The following ITPRID2 variants were observed in gnomAD, a reference collection of about 807,000 sequenced individuals.
ITPRID2 encodes the protein protein ITPRID2.
A neutral mutation model predicts 124.3 loss-of-function variants in ITPRID2; 60 were observed. The ratio of observed to expected loss-of-function variants is 0.48; its 90% CI spans 0.39 to 0.60. The LOEUF (loss-of-function observed/expected upper bound fraction) is 0.60, where lower values mean the gene tolerates loss of function less well. Among genes scored for constraint, ITPRID2 ranks in the 20% least tolerant of loss-of-function variants. The probability of loss-of-function intolerance (pLI) is 0.00; values close to 1 mark genes in which losing one functional copy is unlikely to be tolerated. For missense variants in ITPRID2, 1,553 were observed against 1,512.2 expected (o/e 1.03, Z -0.45); for synonymous variants, 521 against 542.9 (o/e 0.96, Z 0.56).
intron 11 of ITPRID2, chr2:181,916,656 C>T: frequency 1.4e-6 from 1 of 723,616 alleles, no homozygotes; most frequent in Non-Finnish European, 2.0e-6. Flanking sequence ...AAGTCTGTCT[C>T]CTTTCCAAGA....
Position 181,915,154 on chromosome 2 carries a change from T to C in ITPRID2, c.1576-62T>C, listed in dbSNP as rs1038163638. On this transcript the variant is annotated intron_variant, in intron 10 of 17. Transcript: ENST00000431877. ...TTATAGAAGCACCATGTTGGTTTGGTATTTTGTTAGTGACTCTTCTTACAT... is the reference window on the plus strand; with the variant it reads ...TTATAGAAGCACCATGTTGGTTTGGCATTTTGTTAGTGACTCTTCTTACAT... The C allele has an allele frequency of 3.9e-6, 6 of 1,533,652 alleles. No homozygotes were observed. The African/African-American group carries it at 8.3e-5, about 21-fold the overall frequency.
chr2:181,906,093 T>G (rs1693088211), intron 8 of ITPRID2, among the ~76,000 whole-genome samples: 1 of 152,246 alleles, frequency 6.6e-6, no homozygotes, highest in Non-Finnish European at 1.5e-5. Context: ...TAGTATTTGT[T>G]TAAGATAAAC....
In ITPRID2 at chr2:181,902,846, CTGAA is replaced by C. The variant is rs1209783413; in HGVS notation, c.1413+384_1413+387del. Among the ~76,000 whole-genome samples the C allele has an allele frequency of 6.6e-6, 1 of 152,182 alleles. No individual in the cohort carries two copies. The highest frequency in any genetic ancestry group is 1.5e-5 in the Non-Finnish European group (1 of 68,028). On this transcript the variant is annotated intron_variant, in intron 8 of 17. Transcript: ENST00000431877. This position sits in a 1 kb window ranked among gnomAD's most constrained non-coding sequence, Gnocchi z 4.4. Reference sequence around the variant, plus strand: ...ACAGGGCTTTGAGTTTTGTCTGCCACTGAATGACTGTATGCCTTTGGGCAAGCTT... The same window carrying C: ...ACAGGGCTTTGAGTTTTGTCTGCCACTGACTGTATGCCTTTGGGCAAGCTT...
At chr2:181,922,509 A>G in intron 16 of ITPRID2, 97 bp downstream of exon 16, 1 of 1,151,036 alleles carries the variant, frequency 8.7e-7, no homozygotes, top group Non-Finnish European at 1.2e-6. Flanking sequence ...CTTTTGATTC[A>G]CTGTATTCAA....
intron 16 of ITPRID2, among the ~76,000 whole-genome samples, chr2:181,924,786 T>C (rs1024412763): frequency 6.6e-6 from 1 of 152,236 alleles, no homozygotes; most frequent in Non-Finnish European, 1.5e-5. Flanking sequence ...ACTAATTACA[T>C]AGCTAAACTT....
rs991092508 is a variant in ITPRID2 at position 181,915,413 on chromosome 2, A to G, written c.1773A>G (p.Ser591=). ...KAAAVADKRK[S]GSQDFPQCNT... ...CAGCAGTTGCAGACAAAAGAAAATC[A>G]GGTAGCCAGGATTTCCCTCAGTGCA... Residue 591 remains serine, a synonymous_variant, in exon 11 of 18, where the codon TCA becomes TCG. Transcript: ENST00000431877. 2.5e-6 allele frequency: 4 copies of G among 1,614,042 alleles called. No homozygotes were observed. Among genetic ancestry groups the G allele is most frequent in the Non-Finnish European group, 3.4e-6 (4 of 1,180,020 alleles).
At chr2:181,920,507 G>T in intron 14 of ITPRID2, 90 bp from the exon 15 acceptor site, 2 of 935,120 alleles carry the variant, frequency 2.1e-6, no homozygotes, top group Non-Finnish European at 3.0e-6. Context: ...CTTGTGATTT[G>T]AAAAAATATA....
chr2:181,892,257 T>C lies in ITPRID2; in HGVS notation c.191T>C (p.Leu64Pro), dbSNP rs1215568700. ...DEEEDLPGAQ[L>P]PAAGGRGNVP... The stretch of plus-strand genomic sequence containing the variant: ...GAGGAGGACCTCCCCGGCGCGCAGC[T>C]GCCGGCAGCGGGGGGAAGAGGTCGG... Residue 64 changes from leucine to proline, a missense_variant, in exon 1 of 18, where the codon CTG becomes CCG. By Grantham distance (98) the Leu-to-Pro change is moderately conservative. Transcript: ENST00000431877. This position sits in a 1 kb window ranked among gnomAD's most constrained non-coding sequence, Gnocchi z 5.2. 2 of 1,548,128 alleles carry C rather than the reference T, an allele frequency of 1.3e-6. No homozygotes were observed.
At chr2:181,901,654 T>G in intron 7 of ITPRID2, 112 bp from the exon 8 acceptor site, 1 of 781,228 alleles carries the variant, frequency 1.3e-6, no homozygotes, top group Non-Finnish European at 1.8e-6. Context: ...GGTTTTATAA[T>G]CTTTGTGATC....
chr2:181,900,672 CT>C (rs35623948), intron 6 of ITPRID2, 23 bp from the exon 7 acceptor site: 1 of 1,533,518 alleles, frequency 6.5e-7, no homozygotes, highest in Non-Finnish European at 8.9e-7. Flanking sequence ...TTCATGTTTC[CT>C]TTTTTGCCCC....
intron 4 of ITPRID2, among the ~76,000 whole-genome samples, 173 bp downstream of exon 4, chr2:181,897,137 G>C (rs1466088570): frequency 6.6e-6 from 1 of 151,926 alleles, no homozygotes; most frequent in Non-Finnish European, 1.5e-5. Flanking sequence ...TAGTCTGTAG[G>C]ATACATGTAG....
Position 181,915,335 on chromosome 2 carries a change from T to A in ITPRID2, c.1695T>A (p.Asn565Lys). 6.2e-7 allele frequency: 1 copy of A among 1,614,144 alleles called. No individual in the cohort carries two copies. Among genetic ancestry groups the A allele is most frequent in the East Asian group, 2.2e-5 (1 of 44,880 alleles). ...CAGCACAAGACCAGCCTTATTTTAATGAATCAGAGGAGGAGTCTCTTGTCC... is the reference window on the plus strand; with the variant it reads ...CAGCACAAGACCAGCCTTATTTTAAAGAATCAGAGGAGGAGTCTCTTGTCC... ...TPTAQDQPYF[N>K]ESEEESLVPL... The change falls in exon 11 of 18, where the codon AAT (asparagine) becomes AAA (lysine). Residue 565 changes from asparagine (N) to lysine (K), a missense_variant. Physicochemically the swap from Asn to Lys is moderately conservative, Grantham distance 94. Transcript: ENST00000431877.
At chr2:181,895,477 A>G (rs988951175) in intron 2 of ITPRID2, among the ~76,000 whole-genome samples, 32 of 152,198 alleles carry the variant, frequency 2.1e-4, no homozygotes, top group African/African-American at 7.5e-4. Flanking sequence ...TCAAGCTTCT[A>G]CATTTACATA....
intron 9 of ITPRID2, 45 bp from the exon 10 acceptor site, chr2:181,913,800 T>A (rs1419666280): frequency 1.3e-5 from 19 of 1,426,460 alleles, no homozygotes; most frequent in Non-Finnish European, 1.7e-5. Flanking sequence ...ACTTTTTTTA[T>A]TTATAGATCA....
intron 16 of ITPRID2, among the ~76,000 whole-genome samples, chr2:181,927,641 A>C (rs1694958119): frequency 6.6e-6 from 1 of 151,930 alleles, no homozygotes; most frequent in African/African-American, 2.4e-5. Context: ...ATTGTACTAA[A>C]TGATAATTTC....
intron 9 of ITPRID2, among the ~76,000 whole-genome samples, 177 bp from the exon 10 acceptor site, chr2:181,913,668 G>A (rs1693801567): frequency 6.6e-6 from 1 of 152,126 alleles, no homozygotes. Context: ...CCTGTACTTT[G>A]AAGACATAAT....
At chr2:181,912,355 G>A (rs890054923) in intron 9 of ITPRID2, among the ~76,000 whole-genome samples, 1 of 152,270 alleles carries the variant, frequency 6.6e-6, no homozygotes, top group East Asian at 1.9e-4. Flanking sequence ...TGCCTTATCA[G>A]TACTGGTGGT....
chr2:181,900,829 G>C lies in ITPRID2; in HGVS notation c.637G>C (p.Gly213Arg), dbSNP rs778481761. 1 of 1,613,260 alleles carries C rather than the reference G, an allele frequency of 6.2e-7. No individual in the cohort carries two copies. Among genetic ancestry groups the C allele is most frequent in the East Asian group, 2.2e-5 (1 of 44,786 alleles). ...TTTTAATTCATCATCCTTTGCCAAA[G>C]GGATAGATATTAAAGTATTTTTGAG... ...RFFNSSSFAK[G>R]IDIKVFLSAQ... Residue 213 changes from glycine to arginine, a missense_variant, in exon 7 of 18, where the codon GGG becomes CGG. Transcript: ENST00000431877.
In ITPRID2 at chr2:181,922,076, A is replaced by G. The variant is rs147277933; in HGVS notation, c.3339A>G (p.Ser1113=). 266 of 1,614,242 alleles carry G rather than the reference A, an allele frequency of 1.6e-4. 1 individual carries two copies. In the African/African-American group the frequency reaches 3.2e-3, roughly 19 times the overall value. Residue 1113 remains serine (S), a synonymous_variant, in exon 16 of 18, where the codon TCA becomes TCG. Transcript: ENST00000431877. ...ESVFSQATSE[S]SSVCSGPSHA... The stretch of plus-strand genomic sequence containing the variant: ...TTTTTTCCCAAGCAACATCAGAATC[A>G]TCTTCTGTATGTTCTGGTCCCTCTC...
Sources: gnomAD v4.1 joint callset for allele counts (sites outside exome capture counted in the v4.1 genomes callset) on GRCh38, gnomAD v4.1.1 for gene constraint, Gnocchi (gnomAD v3.1) non-coding constraint, MANE v1.5 for transcripts, NCBI Gene and HGNC (gene_info 2026-07-23, HGNC 2026-07-21) for gene names.